VAPB: variants seen among roughly 807,000 people sequenced by gnomAD.
VAPB encodes the protein VAMP associated protein B and C, also known as vesicle-associated membrane protein-associated protein B/C.
A neutral mutation model predicts 25.6 loss-of-function variants in VAPB; 7 were observed. The ratio of observed to expected loss-of-function variants is 0.27; its 90% CI spans 0.16 to 0.51. The LOEUF (loss-of-function observed/expected upper bound fraction) is 0.51. Among genes scored for constraint, VAPB ranks in the 20% least tolerant of loss-of-function variants. VAPB has a pLI of 0.97. For synonymous variants in VAPB, 112 were observed against 109.2 expected, an observed-to-expected ratio of 1.03 and a Z score of -0.16; for missense variants, 266 against 301.3, an observed-to-expected ratio of 0.88 and a Z score of 0.87.
chr20:58,404,431 T>G (rs1247767473), intron 1 of VAPB, among the ~76,000 whole-genome samples: 1 of 152,206 alleles, frequency 6.6e-6, no homozygotes, highest in Non-Finnish European at 1.5e-5. Context: ...CTTTTCAGAC[T>G]CCAGGGCTTG....
chr20:58,402,767 C>T (rs557290320), intron 1 of VAPB, among the ~76,000 whole-genome samples: 3 of 152,138 alleles, frequency 2.0e-5, no homozygotes, highest in African/African-American at 7.2e-5. Flanking sequence ...GATTTTGGGA[C>T]TCCGAGGCAA....
At chr20:58,421,304 C>T (rs1988662621) in intron 2 of VAPB, among the ~76,000 whole-genome samples, 1 of 152,182 alleles carries the variant, frequency 6.6e-6, no homozygotes, top group Non-Finnish European at 1.5e-5. Flanking sequence ...GTTGTTCTTC[C>T]ACTAGCTTTG....
intron 1 of VAPB, among the ~76,000 whole-genome samples, chr20:58,394,701 C>G (rs926329437): frequency 1.3e-5 from 2 of 152,206 alleles, no homozygotes; most frequent in African/African-American, 4.8e-5. Flanking sequence ...TTTCTTTTAT[C>G]CACCTATTCA....
intron 1 of VAPB, among the ~76,000 whole-genome samples, chr20:58,409,477 C>CA (rs1988320823): frequency 6.6e-6 from 1 of 152,120 alleles, no homozygotes; most frequent in Non-Finnish European, 1.5e-5. Context: ...ATTGTCTTAA[C>CA]AAAATCCATC....
At chr20:58,421,995 T>C (rs1988679073) in intron 2 of VAPB, among the ~76,000 whole-genome samples, 1 of 152,216 alleles carries the variant, frequency 6.6e-6, no homozygotes, top group Non-Finnish European at 1.5e-5. Context: ...TATTGGGTCC[T>C]TAAAAAAACT....
chr20:58,430,795 G>A (rs2143611), intron 2 of VAPB, among the ~76,000 whole-genome samples: 50,326 of 151,120 alleles, frequency 0.33, 8,648 homozygotes, highest in Middle Eastern at 0.35. Flanking sequence ...AGGCTGGTCT[G>A]GAACTCTTGA....
At chr20:58,443,272 G>A (rs1436033648) in intron 5 of VAPB, among the ~76,000 whole-genome samples, 1 of 152,044 alleles carries the variant, frequency 6.6e-6, no homozygotes, top group African/African-American at 2.4e-5. Flanking sequence ...TGAGATGAGT[G>A]TATGAAGGCC....
At chr20:58,401,607 C>T (rs1322302505) in intron 1 of VAPB, among the ~76,000 whole-genome samples, 2 of 149,460 alleles carry the variant, frequency 1.3e-5, no homozygotes, top group Admixed American at 1.3e-4. Flanking sequence ...ATCATGCAGT[C>T]CGGTTGGTAA....
chr20:58,417,445 C>T lies in VAPB; in HGVS notation c.59-766C>T, dbSNP rs144027881. Among the ~76,000 whole-genome samples, 11 of 152,224 alleles carry T rather than the reference C, an allele frequency of 7.2e-5. No homozygotes were observed. In the East Asian group the frequency reaches 1.2e-3, roughly 16 times the overall value. On this transcript the variant is annotated intron_variant, in intron 1 of 5. Transcript: ENST00000475243. ...ATCTTTTATTGTTTGGTTTAAGAAG[C>T]ATGTTTTACTTTTTTAATTAAAAAA...
At chr20:58,399,443 C>A (rs1417571733) in intron 1 of VAPB, among the ~76,000 whole-genome samples, 2 of 151,866 alleles carry the variant, frequency 1.3e-5, no homozygotes, top group African/African-American at 4.8e-5. Flanking sequence ...TCTTTGCCAG[C>A]CATGGTGGCT....
In VAPB at chr20:58,400,237, A is replaced by G. The variant is rs77666819; in HGVS notation, c.58+10720A>G. Among the ~76,000 whole-genome samples, 346 of 152,232 alleles carry G rather than the reference A, an allele frequency of 2.3e-3. 2 individuals carry two copies. Among genetic ancestry groups the G allele is most frequent in the African/African-American group, 8.0e-3 (334 of 41,538 alleles). On this transcript the variant is annotated intron_variant, in intron 1 of 5. Coordinates refer to ENST00000475243, the MANE Select transcript of VAPB (RefSeq NM_004738.5). ...CTTTGGTTTCCTCCTCTGCGATGTA[A>G]GGAGGCTTGAACTCAGTACCTCTAG... is the stretch of plus-strand genomic sequence containing the variant.
intron 1 of VAPB, among the ~76,000 whole-genome samples, chr20:58,394,219 A>C (rs1051127565): frequency 3.9e-5 from 6 of 152,168 alleles, no homozygotes; most frequent in Non-Finnish European, 7.4e-5. Flanking sequence ...TCTAAATGAT[A>C]GTTTAAGGAC....
chr20:58,407,598 C>T (rs1988262027), intron 1 of VAPB, among the ~76,000 whole-genome samples: 1 of 151,530 alleles, frequency 6.6e-6, no homozygotes, highest in Non-Finnish European at 1.5e-5. Context: ...AGTAAAACTT[C>T]ACTAATAATT....
chr20:58,406,526 T>G (rs1988233124), intron 1 of VAPB, among the ~76,000 whole-genome samples: 1 of 152,186 alleles, frequency 6.6e-6, no homozygotes, highest in Admixed American at 6.5e-5. Context: ...CGTTCTACTG[T>G]TTCTCATCGT....
chr20:58,401,133 A>G (rs1009628219), intron 1 of VAPB, among the ~76,000 whole-genome samples: 1 of 152,176 alleles, frequency 6.6e-6, no homozygotes, highest in Non-Finnish European at 1.5e-5. Context: ...GCTCATTTGT[A>G]TCTTTTTATT....
chr20:58,444,270 G>T lies in VAPB; in HGVS notation c.*35G>T. ...GCACAGGATGGTAAATTGGATTGGT[G>T]GATCCACCATATCATGGGATTTAAA... is the stretch of plus-strand genomic sequence containing the variant. On this transcript the variant is annotated 3_prime_UTR_variant, in exon 6 of 6. Transcript: ENST00000475243. 2 of 1,613,410 alleles carry T rather than the reference G, an allele frequency of 1.2e-6. No homozygotes were observed. Among genetic ancestry groups the T allele is most frequent in the Non-Finnish European group, 1.7e-6 (2 of 1,179,400 alleles).
rs1056892002 is a variant in VAPB, at chr20:58,450,979, T to C, written c.*6744T>C. ...CAGGGTCCAGACCAAAAGAGCCATTTACAGCATGTTCTCCCATGTTCCATT... is the reference window on the plus strand; with the variant it reads ...CAGGGTCCAGACCAAAAGAGCCATTCACAGCATGTTCTCCCATGTTCCATT... On this transcript the variant is annotated 3_prime_UTR_variant, in exon 6 of 6. Transcript: ENST00000475243. The C allele has an allele frequency of 2.2e-6, 1 of 454,142 alleles. No homozygotes were observed. The highest frequency in any genetic ancestry group is 4.4e-6 in the Non-Finnish European group (1 of 226,794). The allele number at this position is 454,142 out of a possible 1,614,324, so 28.1% of individuals were successfully genotyped here. A position where few individuals can be genotyped will look rare whatever the true frequency, so the allele number is the denominator to read the frequency against.
At chr20:58,413,470 G>A (rs1460953765) in intron 1 of VAPB, among the ~76,000 whole-genome samples, 2 of 152,296 alleles carry the variant, frequency 1.3e-5, no homozygotes, top group South Asian at 2.1e-4. Flanking sequence ...TGGGGGTAAG[G>A]TCACCGATCA....
rs201189805 is a variant in VAPB at position 58,418,882 on chromosome 20, A to AC, written c.211+520dup. On this transcript the variant is annotated intron_variant, in intron 2 of 5. Transcript: ENST00000475243. ...ATGAGGGCTGAGCAAATTGGAATAT[A>AC]CTCAAGGGTGTCAGTTTGGTGCATG... is the stretch of plus-strand genomic sequence containing the variant. Among the ~76,000 whole-genome samples the AC allele has an allele frequency of 2.6e-3, 395 of 152,300 alleles. 1 individual carries two copies. The highest frequency in any genetic ancestry group is 8.6e-3 in the African/African-American group (357 of 41,560).
Sources: allele counts gnomAD v4.1 joint callset (sites outside exome capture counted in the v4.1 genomes callset), GRCh38; gene constraint gnomAD v4.1.1; transcripts MANE v1.5; gene names NCBI Gene and HGNC (gene_info 2026-07-23, HGNC 2026-07-21).